Variants in TBC1D5 observed in about 807,000 individuals in gnomAD.
The protein encoded by TBC1D5 is TBC1 domain family member 5.
A neutral mutation model predicts 100.3 loss-of-function variants in TBC1D5; 75 were observed. The ratio of observed to expected loss-of-function variants is 0.75; its 90% CI spans 0.62 to 0.91. The LOEUF (loss-of-function observed/expected upper bound fraction) is 0.91. TBC1D5 is among the 40% of genes least tolerant of loss of function. TBC1D5 has a pLI of 0.00. For synonymous variants in TBC1D5, 323 were observed against 325.6 expected (o/e 0.99, Z 0.09); for missense variants, 910 against 942.4 (o/e 0.97, Z 0.45).
intron 19 of TBC1D5, among the ~76,000 whole-genome samples, chr3:17,172,836 G>T (rs572480986): frequency 2.0e-5 from 3 of 152,304 alleles, no homozygotes; most frequent in African/African-American, 7.2e-5. Flanking sequence ...TAAATGGCTG[G>T]TGCAAAAGGT....
intron 16 of TBC1D5, among the ~76,000 whole-genome samples, chr3:17,252,615 AC>A (rs576832303): frequency 9.2e-4 from 140 of 152,252 alleles, no homozygotes; most frequent in Middle Eastern, 3.4e-3. Flanking sequence ...AACTATTCTT[AC>A]CCCAAGAAAG....
intron 20 of TBC1D5, 75 bp from the exon 22 acceptor site, chr3:17,167,003 A>T: frequency 7.4e-7 from 1 of 1,345,796 alleles, no homozygotes; most frequent in Non-Finnish European, 1.0e-6. Context: ...AATCTCTCAG[A>T]CATTTGAACT....
intron 1 of TBC1D5, among the ~76,000 whole-genome samples, chr3:17,709,693 C>T (rs528500951): frequency 2.0e-5 from 3 of 152,054 alleles, no homozygotes; most frequent in Admixed American, 6.6e-5. Context: ...AGAGGAATAC[C>T]AGAAAGACAG....
intron 3 of TBC1D5, among the ~76,000 whole-genome samples, chr3:17,434,366 T>C (rs570213058): frequency 5.1e-4 from 78 of 152,298 alleles, no homozygotes; most frequent in African/African-American, 1.8e-3. Flanking sequence ...CAAACATCAA[T>C]TCTTGTCTTC....
chr3:17,352,237 CATT>C (rs1200112387), intron 13 of TBC1D5, among the ~76,000 whole-genome samples: 2 of 151,942 alleles, frequency 1.3e-5, no homozygotes, highest in Admixed American at 1.3e-4. Flanking sequence ...GTTATCGGGG[CATT>C]ATTCTGACAG....
intron 13 of TBC1D5, among the ~76,000 whole-genome samples, chr3:17,322,401 C>T (rs1014702154): frequency 6.6e-5 from 10 of 152,158 alleles, no homozygotes; most frequent in Non-Finnish European, 1.0e-4. Flanking sequence ...GATGGAATAA[C>T]TGGGTATATC....
intron 18 of TBC1D5, among the ~76,000 whole-genome samples, chr3:17,202,382 C>T (rs927614170): frequency 6.6e-6 from 1 of 152,148 alleles, no homozygotes; most frequent in Non-Finnish European, 1.5e-5. Context: ...ACTTATACAA[C>T]AGGGAAGCAG....
At chr3:17,555,776 A>G (rs2096513496) in intron 2 of TBC1D5, among the ~76,000 whole-genome samples, 1 of 152,162 alleles carries the variant, frequency 6.6e-6, no homozygotes, top group Non-Finnish European at 1.5e-5. Context: ...TGCTACAAAG[A>G]GTCTGTTTTG....
intron 2 of TBC1D5, among the ~76,000 whole-genome samples, chr3:17,570,755 T>G (rs1284588123): frequency 6.6e-6 from 1 of 152,026 alleles, no homozygotes; most frequent in African/African-American, 2.4e-5. Context: ...TACATTTTAT[T>G]GTACTGCAGT....
chr3:17,365,061 T>G (rs899503477), intron 13 of TBC1D5, among the ~76,000 whole-genome samples: 2 of 152,214 alleles, frequency 1.3e-5, no homozygotes, highest in Non-Finnish European at 2.9e-5. Context: ...CTTTAAATTA[T>G]TCACTAGAAT....
At chr3:17,595,746 A>T (rs1248711169) in intron 2 of TBC1D5, among the ~76,000 whole-genome samples, 1 of 152,172 alleles carries the variant, frequency 6.6e-6, no homozygotes, top group East Asian at 1.9e-4. Flanking sequence ...CCACACCCCA[A>T]GCCCTTTCCA....
At chr3:17,291,606 T>A (rs1193950397) in intron 15 of TBC1D5, among the ~76,000 whole-genome samples, 1 of 152,166 alleles carries the variant, frequency 6.6e-6, no homozygotes, top group East Asian at 1.9e-4. Flanking sequence ...GGAGAGGTAG[T>A]TCCTCAACTA....
At chr3:17,728,764 A>T (rs1450086556) in intron 1 of TBC1D5, among the ~76,000 whole-genome samples, 1 of 152,186 alleles carries the variant, frequency 6.6e-6, no homozygotes, top group Non-Finnish European at 1.5e-5. Context: ...AAAATATGAA[A>T]CCATAAAAAT....
Position 17,475,714 on chromosome 3 carries a change from T to C in TBC1D5, c.97+32760A>G, listed in dbSNP as rs1451875197. Among the ~76,000 whole-genome samples, 3 of 152,132 alleles carry C rather than the reference T, an allele frequency of 2.0e-5. No individual in the cohort carries two copies. In the East Asian group the frequency reaches 5.8e-4, roughly 29 times the overall value. ...AAATTATTTGCACTGCTGATACACA[T>C]TTGGACTGTTTCCAGTTTTGTTATC... is the stretch of plus-strand genomic sequence containing the variant. On this transcript the variant is annotated intron_variant, in intron 3 of 21. Coordinates refer to ENST00000253692, the Ensembl canonical transcript of TBC1D5.
chr3:17,508,469 C>G lies in TBC1D5; in HGVS notation c.97+5G>C. Reference sequence around the variant, plus strand: ...CTACAAATAGTATTGGCATACAAAACTCACCTCCAGACTTGTTAGAGTAAC... The same window carrying G: ...CTACAAATAGTATTGGCATACAAAAGTCACCTCCAGACTTGTTAGAGTAAC... On this transcript the variant is annotated splice_donor_5th_base_variant and intron_variant, in intron 3 of 21. Transcript: ENST00000253692. 1 of 1,611,964 alleles carries G rather than the reference C, an allele frequency of 6.2e-7. No homozygotes were observed. Among genetic ancestry groups the G allele is most frequent in the East Asian group, 2.2e-5 (1 of 44,848 alleles).
intron 12 of TBC1D5, 104 bp from the exon 13 acceptor site, chr3:17,372,351 T>C: frequency 9.7e-7 from 1 of 1,027,444 alleles, no homozygotes; most frequent in Non-Finnish European, 1.3e-6. Flanking sequence ...TCTTATTATC[T>C]GCCTACTACT....
intron 13 of TBC1D5, among the ~76,000 whole-genome samples, chr3:17,353,209 C>T (rs1177018966): frequency 6.6e-6 from 1 of 151,980 alleles, no homozygotes. Flanking sequence ...TAGAAGTACA[C>T]TTAAACAATA....
rs1259529222 is a variant in TBC1D5, at chr3:17,636,248, A to C, written c.-100-12335T>G. On this transcript the variant is annotated intron_variant, in intron 1 of 21. Transcript: ENST00000253692. The stretch of plus-strand genomic sequence containing the variant: ...ACAGCATATAAGCATATTGATGGGA[A>C]AGATCCAGTAATGAGAGAAAAGTTA... Among the ~76,000 whole-genome samples the C allele has an allele frequency of 3.3e-5, 5 of 152,294 alleles. No homozygotes were observed. In the East Asian group the frequency reaches 9.7e-4, roughly 29 times the overall value.
Position 17,210,468 on chromosome 3 carries a change from A to G in TBC1D5, c.1752+3739T>C, listed in dbSNP as rs1284678824. 5.3e-5 allele frequency among the ~76,000 whole-genome samples: 8 copies of G among 152,290 alleles called. No individual in the cohort carries two copies. The East Asian group carries it at 1.2e-3, about 22-fold the overall frequency. On this transcript the variant is annotated intron_variant, in intron 18 of 21. Transcript: ENST00000253692. ...CTCCCAAAGTGCTGGAATTACAGGC[A>G]TGAGTCACCACGCCCAGCCATTTCT...
Sources: gnomAD v4.1 joint callset for allele counts (sites outside exome capture counted in the v4.1 genomes callset) on GRCh38, gnomAD v4.1.1 for gene constraint, MANE v1.5 for transcripts, NCBI Gene and HGNC (gene_info 2026-07-23, HGNC 2026-07-21) for gene names.